Variants in NEGR1 observed in about 807,000 individuals in gnomAD.
NEGR1 encodes the protein neuronal growth regulator 1.
Under a neutral mutation model 40.9 loss-of-function variants are expected in NEGR1, and 10 were observed. The observed-to-expected ratio is 0.24, with a 90% CI of 0.15 to 0.42. The LOEUF (loss-of-function observed/expected upper bound fraction) is 0.42. Among genes scored for constraint, NEGR1 ranks in the 10% least tolerant of loss-of-function variants. NEGR1 has a pLI of 1.00. For missense variants in NEGR1, 352 were observed against 438.9 expected, an observed-to-expected ratio of 0.80 and a Z score of 1.77; for synonymous variants, 185 against 166.8, an observed-to-expected ratio of 1.11 and a Z score of -0.84.
At chr1:71,687,969 A>G (rs1055871771) in intron 4 of NEGR1, among the ~76,000 whole-genome samples, 1 of 152,098 alleles carries the variant, frequency 6.6e-6, no homozygotes, top group Non-Finnish European at 1.5e-5. Flanking sequence ...AAATTTGGCA[A>G]TTTTATGAAC....
At chr1:71,465,754 G>T (rs1057391871) in intron 6 of NEGR1, among the ~76,000 whole-genome samples, 1 of 152,026 alleles carries the variant, frequency 6.6e-6, no homozygotes, top group Non-Finnish European at 1.5e-5. Context: ...TGCACAAAAT[G>T]GGGATGCATT....
chr1:71,636,946 T>TA (rs1651173507), intron 4 of NEGR1, among the ~76,000 whole-genome samples: 1 of 152,038 alleles, frequency 6.6e-6, no homozygotes. Context: ...TAAATGTGTG[T>TA]AAAAATCCTT....
intron 1 of NEGR1, among the ~76,000 whole-genome samples, chr1:72,265,574 C>T (rs2100550951): frequency 6.6e-6 from 1 of 150,532 alleles, no homozygotes; most frequent in Admixed American, 6.6e-5. Flanking sequence ...ATTGAATTCC[C>T]CACTAAATGG....
At chr1:72,036,969 T>C (rs1407142473) in intron 1 of NEGR1, among the ~76,000 whole-genome samples, 1 of 152,140 alleles carries the variant, frequency 6.6e-6, no homozygotes, top group Non-Finnish European at 1.5e-5. Flanking sequence ...AAATCCTATA[T>C]TTTTTAGTAG....
intron 2 of NEGR1, among the ~76,000 whole-genome samples, chr1:71,832,394 G>C (rs1658874027): frequency 6.6e-6 from 1 of 151,834 alleles, no homozygotes; most frequent in Non-Finnish European, 1.5e-5. Context: ...GGAGTATATG[G>C]GTAAATGATG....
At chr1:71,835,514 C>T (rs1257069223) in intron 2 of NEGR1, among the ~76,000 whole-genome samples, 1 of 152,070 alleles carries the variant, frequency 6.6e-6, no homozygotes, top group African/African-American at 2.4e-5. Flanking sequence ...TTCACTCTCA[C>T]CTTCATTTTT....
chr1:71,999,428 C>T (rs1646534893), intron 1 of NEGR1, among the ~76,000 whole-genome samples: 1 of 150,786 alleles, frequency 6.6e-6, no homozygotes, highest in Non-Finnish European at 1.5e-5. Flanking sequence ...TGACAAATAC[C>T]AGAAGTTTTA....
chr1:71,506,592 A>G (rs1647036417), intron 6 of NEGR1, among the ~76,000 whole-genome samples: 1 of 152,162 alleles, frequency 6.6e-6, no homozygotes, highest in South Asian at 2.1e-4. Flanking sequence ...TAATAATAGA[A>G]AAAAAATCAT....
Position 71,466,829 on chromosome 1 carries a change from T to C in NEGR1, c.941-59259A>G, listed in dbSNP as rs557053943. Among the ~76,000 whole-genome samples, 59 of 152,198 alleles carry C rather than the reference T, an allele frequency of 3.9e-4. 1 individual carries two copies. The South Asian group carries it at 5.8e-3, about 15-fold the overall frequency. On this transcript the variant is annotated intron_variant, in intron 6 of 6. Coordinates refer to ENST00000357731, the MANE Select transcript of NEGR1 (RefSeq NM_173808.3). ...CCACAGGGGTCCACGGACCATAATT[T>C]CAACTGTTGATCTTGTTTAATAAAA...
chr1:72,197,166 C>T (rs1653030721), intron 1 of NEGR1, among the ~76,000 whole-genome samples: 1 of 151,934 alleles, frequency 6.6e-6, no homozygotes, highest in Non-Finnish European at 1.5e-5. Context: ...TTCCTACCCC[C>T]AAAGTGATAG....
intron 3 of NEGR1, among the ~76,000 whole-genome samples, chr1:71,738,507 G>A (rs1193833835): frequency 6.6e-6 from 1 of 152,160 alleles, no homozygotes; most frequent in Non-Finnish European, 1.5e-5. Flanking sequence ...CAGAGCAGCT[G>A]GGGATGGGGA....
chr1:71,609,123 A>G (rs1650159522), intron 5 of NEGR1, among the ~76,000 whole-genome samples: 3 of 152,200 alleles, frequency 2.0e-5, no homozygotes, highest in Non-Finnish European at 2.9e-5. Context: ...GTAAAAACAT[A>G]TAAATTAGTA....
chr1:71,681,391 T>C (rs1292895900), intron 4 of NEGR1, among the ~76,000 whole-genome samples: 1 of 151,906 alleles, frequency 6.6e-6, no homozygotes, highest in East Asian at 1.9e-4. Context: ...ATGACAGTTG[T>C]TCTATCCTAA....
At chr1:72,171,502 G>A (rs1029188289) in intron 1 of NEGR1, among the ~76,000 whole-genome samples, 39 of 152,192 alleles carry the variant, frequency 2.6e-4, no homozygotes, top group Non-Finnish European at 2.9e-4. Context: ...AAGAACCTTC[G>A]GCTGAGATTC....
chr1:71,969,556 T>C (rs1013288028), intron 1 of NEGR1, among the ~76,000 whole-genome samples: 4 of 152,202 alleles, frequency 2.6e-5, no homozygotes, highest in African/African-American at 9.6e-5. Flanking sequence ...AGCCCTACCA[T>C]GCAGATCTAT....
chr1:71,551,437 CA>C (rs1402894835), intron 6 of NEGR1, among the ~76,000 whole-genome samples: 1 of 151,444 alleles, frequency 6.6e-6, no homozygotes, highest in Non-Finnish European at 1.5e-5. Flanking sequence ...AATATGTACA[CA>C]AAAAATTTAA....
At chr1:71,951,982 G>A (rs1232677289) in intron 1 of NEGR1, among the ~76,000 whole-genome samples, 1 of 151,836 alleles carries the variant, frequency 6.6e-6, no homozygotes, top group African/African-American at 2.4e-5. Context: ...TGTTGTCTGT[G>A]CTCTGACTTC....
At chr1:71,417,335 T>G (rs1646362975) in intron 6 of NEGR1, among the ~76,000 whole-genome samples, 1 of 151,894 alleles carries the variant, frequency 6.6e-6, no homozygotes, top group African/African-American at 2.4e-5. Context: ...TTGTTTAAAT[T>G]TCTGCATTGG....
Position 71,750,990 on chromosome 1 carries a change from A to G in NEGR1, c.535+25182T>C, listed in dbSNP as rs546389052. Reference sequence around the variant, plus strand: ...CAGAATTGAAGGACTTTGGAGTGCAAAATACCTTAGTGATGATCTTATACA... The same window carrying G: ...CAGAATTGAAGGACTTTGGAGTGCAGAATACCTTAGTGATGATCTTATACA... On this transcript the variant is annotated intron_variant, in intron 3 of 6. Transcript: ENST00000357731. Among the ~76,000 whole-genome samples, 10 of 152,226 alleles carry G rather than the reference A, an allele frequency of 6.6e-5. No individual in the cohort carries two copies. The East Asian group carries it at 1.9e-3, about 29-fold the overall frequency.
Sources: gnomAD v4.1 joint callset for allele counts (sites outside exome capture counted in the v4.1 genomes callset) on GRCh38, gnomAD v4.1.1 for gene constraint, MANE v1.5 for transcripts, NCBI Gene and HGNC (gene_info 2026-07-23, HGNC 2026-07-21) for gene names.